The following RORB variants were observed in gnomAD, a reference collection of about 807,000 sequenced individuals.
RORB encodes nuclear receptor ROR-beta.
Under a neutral mutation model 59.1 loss-of-function variants are expected in RORB, and 6 were observed. That is an observed-to-expected ratio of 0.10 (90% CI 0.06 to 0.20). The LOEUF (loss-of-function observed/expected upper bound fraction) is 0.20. Among genes scored for constraint, RORB ranks in the 10% least tolerant of loss-of-function variants. The pLI, the probability that RORB is intolerant of heterozygous loss-of-function variation, is 1.00. For synonymous variants in RORB, 215 were observed against 204.5 expected, an observed-to-expected ratio of 1.05 and a Z score of -0.44; for missense variants, 320 against 560.5, an observed-to-expected ratio of 0.57 and a Z score of 4.33.
rs1587371170 is a variant in RORB at position 74,585,854 on chromosome 9, G to T, written c.8-44428G>T. 3.4e-5 allele frequency among the ~76,000 whole-genome samples: 5 copies of T among 148,642 alleles called. No homozygotes were observed. The South Asian group carries it at 1.1e-3, about 32-fold the overall frequency. ...CTGTCGCCCAGACTGGAGTGCAGTGGAGCGATCTCGGCTCACTGCAAGCTC... is the reference window on the plus strand; with the variant it reads ...CTGTCGCCCAGACTGGAGTGCAGTGTAGCGATCTCGGCTCACTGCAAGCTC... On this transcript the variant is annotated intron_variant, in intron 1 of 9. Coordinates refer to ENST00000376896, the MANE Select transcript of RORB (RefSeq NM_006914.4).
chr9:74,607,438 G>A (rs1012030258), intron 1 of RORB, among the ~76,000 whole-genome samples: 1 of 152,092 alleles, frequency 6.6e-6, no homozygotes, highest in African/African-American at 2.4e-5. Flanking sequence ...AGCTATGTTG[G>A]GGGACTACAG....
At chr9:74,623,754 C>A (rs889211200) in intron 1 of RORB, among the ~76,000 whole-genome samples, 3 of 152,120 alleles carry the variant, frequency 2.0e-5, no homozygotes, top group African/African-American at 7.2e-5. Flanking sequence ...GTGGACCACA[C>A]CTTGAGTGGT....
intron 1 of RORB, among the ~76,000 whole-genome samples, chr9:74,598,054 T>G (rs1822998146): frequency 6.6e-6 from 1 of 152,128 alleles, no homozygotes; most frequent in African/African-American, 2.4e-5. Flanking sequence ...TTTTCAGCTG[T>G]TTTTGCTACA....
At chr9:74,623,658 G>C (rs1429810094) in intron 1 of RORB, among the ~76,000 whole-genome samples, 2 of 152,108 alleles carry the variant, frequency 1.3e-5, no homozygotes, top group Non-Finnish European at 2.9e-5. Flanking sequence ...TCATTCTAAA[G>C]CAAATTCTGA....
At chr9:74,573,763 T>C (rs1317236586) in intron 1 of RORB, among the ~76,000 whole-genome samples, 1 of 152,080 alleles carries the variant, frequency 6.6e-6, no homozygotes, top group African/African-American at 2.4e-5. Context: ...CTTGACAACA[T>C]CTGTGTGTGA....
chr9:74,557,169 C>T (rs1286338156), intron 1 of RORB, among the ~76,000 whole-genome samples: 1 of 152,126 alleles, frequency 6.6e-6, no homozygotes, highest in African/African-American at 2.4e-5. Flanking sequence ...TCAAGGTGAC[C>T]TCTTCCCCTT....
chr9:74,534,357 T>C (rs908970117), intron 1 of RORB, among the ~76,000 whole-genome samples: 4 of 152,034 alleles, frequency 2.6e-5, no homozygotes, highest in Non-Finnish European at 5.9e-5. Context: ...ACATGAATAG[T>C]AATGAACACA....
At chr9:74,634,997 T>C (rs1012483484) in intron 3 of RORB, among the ~76,000 whole-genome samples, 1 of 152,196 alleles carries the variant, frequency 6.6e-6, no homozygotes, top group African/African-American at 2.4e-5. Flanking sequence ...AGGGAGCAAC[T>C]TGTGCTAACT....
At chr9:74,608,141 CA>C (rs1823177735) in intron 1 of RORB, among the ~76,000 whole-genome samples, 1 of 152,090 alleles carries the variant, frequency 6.6e-6, no homozygotes. Context: ...GATAAATGAA[CA>C]AATGTCAAAA....
chr9:74,560,574 C>G (rs1467952538), intron 1 of RORB, among the ~76,000 whole-genome samples: 2 of 151,950 alleles, frequency 1.3e-5, no homozygotes, highest in African/African-American at 4.8e-5. Flanking sequence ...CATTTGATAT[C>G]TTTCCAAAGA....
chr9:74,671,725 T>C (rs1046806923), intron 8 of RORB, 64 bp from the exon 9 acceptor site: 3 of 918,302 alleles, frequency 3.3e-6, no homozygotes, highest in Non-Finnish European at 5.2e-6. Flanking sequence ...TTGGCACTTA[T>C]GTATGTGGGT....
intron 3 of RORB, among the ~76,000 whole-genome samples, chr9:74,641,311 A>G (rs2118458488): frequency 6.6e-6 from 1 of 152,354 alleles, no homozygotes; most frequent in Admixed American, 6.5e-5. Context: ...ACACACTGAA[A>G]TGAAAGCACC....
intron 1 of RORB, among the ~76,000 whole-genome samples, chr9:74,499,387 G>A (rs1825773253): frequency 6.6e-6 from 1 of 152,148 alleles, no homozygotes; most frequent in African/African-American, 2.4e-5. Context: ...CCCGCACCCG[G>A]TGAGCCCCGA....
chr9:74,683,029 T>C (rs1046045006), intron 9 of RORB, among the ~76,000 whole-genome samples: 1 of 152,216 alleles, frequency 6.6e-6, no homozygotes. Context: ...AGTCTGAGCT[T>C]CACCCAAACT....
chr9:74,639,810 A>G (rs1477067963), intron 3 of RORB, among the ~76,000 whole-genome samples: 1 of 152,190 alleles, frequency 6.6e-6, no homozygotes, highest in Non-Finnish European at 1.5e-5. Context: ...GTTCTTTCTG[A>G]ATCAATATTT....
chr9:74,620,569 A>C (rs946355019), intron 1 of RORB, among the ~76,000 whole-genome samples: 1 of 151,614 alleles, frequency 6.6e-6, no homozygotes, highest in Non-Finnish European at 1.5e-5. Context: ...GATTTTAGTT[A>C]TTTCTTGCCT....
chr9:74,675,482 G>A (rs761098181), intron 9 of RORB, among the ~76,000 whole-genome samples: 31 of 152,026 alleles, frequency 2.0e-4, no homozygotes, highest in Admixed American at 9.8e-4. Context: ...GTTTGACTCC[G>A]TAAAGAGAAA....
At chr9:74,565,013 A>T (rs1429588043) in intron 1 of RORB, among the ~76,000 whole-genome samples, 1 of 152,220 alleles carries the variant, frequency 6.6e-6, no homozygotes. Context: ...GGCAACTATC[A>T]CAAAGAAGAT....
chr9:74,683,659 C>T (rs1207515475), intron 9 of RORB, among the ~76,000 whole-genome samples: 1 of 152,130 alleles, frequency 6.6e-6, no homozygotes, highest in Non-Finnish European at 1.5e-5. Flanking sequence ...TTAGGTCTCT[C>T]ACTCTTCCAT....
Sources: gnomAD v4.1 joint callset for allele counts (sites outside exome capture counted in the v4.1 genomes callset) on GRCh38, gnomAD v4.1.1 for gene constraint, MANE v1.5 for transcripts, NCBI Gene and HGNC (gene_info 2026-07-23, HGNC 2026-07-21) for gene names.